Variants in ABHD18 observed in about 807,000 individuals in gnomAD.
ABHD18 encodes cardiolipin-specific deacylase, mitochondrial.
In ABHD18, 55 loss-of-function variants were observed where a neutral mutation model predicts 65.9. The observed-to-expected ratio is 0.84, with a 90% CI of 0.67 to 1.05. The LOEUF is 1.05. Ranked by LOEUF, ABHD18 falls within the 50% of genes least tolerant of loss-of-function variation. The pLI is 0.00. For missense variants in ABHD18, 533 were observed against 558.5 expected (o/e 0.95, Z 0.46); for synonymous variants, 181 against 180.2 (o/e 1.00, Z -0.04).
At chr4:128,001,119 G>A (rs1052545414) in intron 4 of ABHD18, among the ~76,000 whole-genome samples, 3 of 152,016 alleles carry the variant, frequency 2.0e-5, no homozygotes, top group African/African-American at 7.2e-5. Context: ...CTATTTGGAT[G>A]CCTTTTATTT....
intron 4 of ABHD18, among the ~76,000 whole-genome samples, chr4:128,002,519 A>G (rs954726228): frequency 1.3e-5 from 2 of 151,292 alleles, no homozygotes; most frequent in African/African-American, 4.9e-5. Context: ...GCCTCAGGTG[A>G]TCTCCCTGCC....
At chr4:127,995,878 T>C (rs1050382147) in intron 4 of ABHD18, among the ~76,000 whole-genome samples, 84 of 152,366 alleles carry the variant, frequency 5.5e-4, no homozygotes, top group African/African-American at 1.9e-3. Flanking sequence ...ATAAAAATTT[T>C]CCTTGGCTAT....
intron 4 of ABHD18, among the ~76,000 whole-genome samples, chr4:128,000,013 G>C (rs1278200338): frequency 6.6e-6 from 1 of 152,186 alleles, no homozygotes; most frequent in Non-Finnish European, 1.5e-5. Context: ...TGACAAACAA[G>C]AGAAGAGAGC....
intron 4 of ABHD18, among the ~76,000 whole-genome samples, chr4:127,998,322 G>A (rs535160330): frequency 3.9e-5 from 5 of 128,394 alleles, no homozygotes; most frequent in Admixed American, 1.9e-4. Flanking sequence ...TTGCTCTGTC[G>A]CCGAGGCTGG....
chr4:127,989,147 C>T (rs956754667), intron 3 of ABHD18, among the ~76,000 whole-genome samples: 3 of 152,094 alleles, frequency 2.0e-5, no homozygotes, highest in African/African-American at 4.8e-5. Flanking sequence ...TGAAGGACAT[C>T]GCGTTAAGTA....
intron 12 of ABHD18, among the ~76,000 whole-genome samples, chr4:128,032,136 T>C (rs921804122): frequency 6.6e-6 from 1 of 152,212 alleles, no homozygotes; most frequent in Non-Finnish European, 1.5e-5. Context: ...AAAGTGCTAT[T>C]ATGAAGGCTT....
intron 11 of ABHD18, among the ~76,000 whole-genome samples, chr4:128,029,963 G>A (rs888087010): frequency 1.3e-5 from 2 of 151,974 alleles, no homozygotes; most frequent in East Asian, 1.9e-4. Flanking sequence ...CCCTAGCCTC[G>A]GTGACAAAGT....
At chr4:127,989,907 G>A (rs1443624319) in intron 4 of ABHD18, 86 bp downstream of exon 4, 2 of 795,618 alleles carry the variant, frequency 2.5e-6, no homozygotes, top group Non-Finnish European at 3.8e-6. Flanking sequence ...TTGAAATTAG[G>A]AGTAACAAGG....
chr4:127,991,297 G>T (rs1750872191), intron 4 of ABHD18, among the ~76,000 whole-genome samples: 2 of 152,202 alleles, frequency 1.3e-5, no homozygotes, highest in Admixed American at 1.3e-4. Context: ...GAGCAGTGGT[G>T]CTCACTGCAC....
At chr4:128,006,134 G>A (rs564794164) in intron 4 of ABHD18, among the ~76,000 whole-genome samples, 8 of 152,268 alleles carry the variant, frequency 5.3e-5, no homozygotes, top group African/African-American at 1.7e-4. Context: ...GAAGATAGTC[G>A]AATTTGAGCA....
At chr4:128,002,272 C>CT (rs550629514) in intron 4 of ABHD18, among the ~76,000 whole-genome samples, 11,454 of 143,956 alleles carry the variant, frequency 0.08, 850 homozygotes, top group East Asian at 0.26. Context: ...AAGGCTCCAT[C>CT]TTTTTTTTTT....
intron 1 of ABHD18, among the ~76,000 whole-genome samples, chr4:127,967,626 G>A (rs1745879954): frequency 6.6e-6 from 1 of 151,000 alleles, no homozygotes; most frequent in Non-Finnish European, 1.5e-5. Context: ...TCCAAGTGAT[G>A]ACTTCAGACC....
At chr4:128,034,019 C>T (rs1434187859) in intron 12 of ABHD18, among the ~76,000 whole-genome samples, 4 of 134,612 alleles carry the variant, frequency 3.0e-5, no homozygotes, top group South Asian at 2.3e-4. Flanking sequence ...AGTGCAGTGG[C>T]GCGATCTTGG....
chr4:128,004,407 G>A (rs1399934769), intron 4 of ABHD18, among the ~76,000 whole-genome samples: 2 of 150,344 alleles, frequency 1.3e-5, no homozygotes, highest in African/African-American at 4.9e-5. Flanking sequence ...AGCCAAGATC[G>A]CACCACTGCA....
At chr4:127,972,961 T>A (rs1027583999) in intron 1 of ABHD18, among the ~76,000 whole-genome samples, 1 of 152,104 alleles carries the variant, frequency 6.6e-6, no homozygotes, top group South Asian at 2.1e-4. Flanking sequence ...TGAATGAAAA[T>A]ATATAAACAT....
intron 3 of ABHD18, among the ~76,000 whole-genome samples, chr4:127,987,788 G>C (rs188661406): frequency 6.7e-6 from 1 of 149,466 alleles, no homozygotes; most frequent in Non-Finnish European, 1.5e-5. Flanking sequence ...AAATTGGAAC[G>C]TTTTTTTGGA....
chr4:127,973,817 CAAAAAAAAAAAAAAAA>C (rs57170719), intron 1 of ABHD18, among the ~76,000 whole-genome samples: 56 of 16,642 alleles, frequency 3.4e-3, no homozygotes, highest in African/African-American at 8.9e-3. Flanking sequence ...TGATGAACAG[CAAAAAAAAAAAAAAAA>C]AAAAAAAAAA....
At chr4:128,021,475 C>T (rs1261979320) in intron 10 of ABHD18, among the ~76,000 whole-genome samples, 2 of 151,878 alleles carry the variant, frequency 1.3e-5, no homozygotes, top group East Asian at 3.9e-4. Flanking sequence ...ACTAGCCTGG[C>T]CAACCCCATC....
Position 128,021,212 on chromosome 4 carries a change from A to G in ABHD18, c.775A>G (p.Ile259Val). The part of the protein sequence containing the change: ...YYTQTVYEEE[I>V]IHMLEYCGTD... ...TACCCAGACAGTTTATGAAGAAGAA[A>G]TTATTCACATGCTTGAATACTGTGG... The change falls in exon 10 of 13, where the codon ATT (isoleucine) becomes GTT (valine). Residue 259 changes from isoleucine to valine, a missense_variant. Physicochemically the swap from Ile to Val is conservative, Grantham distance 29 (BLOSUM62 3). Transcript: ENST00000645843. 6.5e-7 allele frequency: 1 copy of G among 1,543,888 alleles called. No individual in the cohort carries two copies. Among genetic ancestry groups the G allele is most frequent in the East Asian group, 2.4e-5 (1 of 40,876 alleles).
Sources: gnomAD v4.1 joint callset for allele counts (sites outside exome capture counted in the v4.1 genomes callset) on GRCh38, gnomAD v4.1.1 for gene constraint, MANE v1.5 for transcripts, NCBI Gene and HGNC (gene_info 2026-07-23, HGNC 2026-07-21) for gene names.